Variants in DCDC1 observed in about 807,000 individuals in gnomAD.
The protein encoded by DCDC1 is doublecortin domain containing 1.
Under a neutral mutation model 178.3 loss-of-function variants are expected in DCDC1, and 200 were observed. That is an observed-to-expected ratio of 1.12 (90% CI 1.00 to 1.26). The LOEUF is 1.26. DCDC1 is among the 50% of genes most tolerant of loss of function. The probability of loss-of-function intolerance (pLI) is 0.00; values close to 1 mark genes in which losing one functional copy is unlikely to be tolerated. For synonymous variants in DCDC1, 690 were observed against 604.8 expected, an observed-to-expected ratio of 1.14 and a Z score of -2.07; for missense variants, 1,983 against 1,749.2, an observed-to-expected ratio of 1.13 and a Z score of -2.38.
chr11:30,887,839 A>G (rs1943314002), intron 36 of DCDC1, among the ~76,000 whole-genome samples: 2 of 151,820 alleles, frequency 1.3e-5, no homozygotes, highest in Non-Finnish European at 1.5e-5. Context: ...GTGAAACCTC[A>G]TGTCTACTAT....
intron 20 of DCDC1, among the ~76,000 whole-genome samples, chr11:31,017,949 G>T (rs1207978276): frequency 2.0e-5 from 3 of 152,092 alleles, no homozygotes; most frequent in Non-Finnish European, 4.4e-5. Flanking sequence ...GATCGGATAT[G>T]TTTCATTATT....
intron 20 of DCDC1, among the ~76,000 whole-genome samples, chr11:31,062,305 C>T (rs1261896658): frequency 1.3e-5 from 2 of 152,086 alleles, no homozygotes; most frequent in African/African-American, 4.8e-5. Flanking sequence ...CAGAAACAGC[C>T]TCATAGAGCG....
At chr11:31,133,370 C>T (rs920295860) in intron 10 of DCDC1, among the ~76,000 whole-genome samples, 1 of 152,186 alleles carries the variant, frequency 6.6e-6, no homozygotes, top group Non-Finnish European at 1.5e-5. Flanking sequence ...AAAGCCAGGT[C>T]AGCACTTCAA....
intron 9 of DCDC1, among the ~76,000 whole-genome samples, chr11:31,138,342 C>T (rs1314163096): frequency 6.6e-6 from 1 of 152,146 alleles, no homozygotes; most frequent in East Asian, 1.9e-4. Context: ...CTACTGCTGC[C>T]AACCCATGTG....
chr11:31,102,014 C>G (rs910184009), intron 15 of DCDC1, among the ~76,000 whole-genome samples, 163 bp downstream of exon 15: 2 of 150,984 alleles, frequency 1.3e-5, no homozygotes, highest in African/African-American at 4.9e-5. Flanking sequence ...GAGGTAGAGG[C>G]TGCAGTGAGC....
intron 21 of DCDC1, among the ~76,000 whole-genome samples, chr11:30,938,217 ATCTC>A (rs150806325): frequency 4.6e-4 from 68 of 146,894 alleles, no homozygotes; most frequent in African/African-American, 1.4e-3. Context: ...TTCTTCTTCT[ATCTC>A]TCTCTCTCTC....
intron 9 of DCDC1, among the ~76,000 whole-genome samples, chr11:31,186,965 A>G (rs938548138): frequency 3.3e-5 from 5 of 152,106 alleles, no homozygotes; most frequent in Non-Finnish European, 7.4e-5. Flanking sequence ...TGGTGCCCTC[A>G]GTAAAGCATT....
intron 9 of DCDC1, among the ~76,000 whole-genome samples, chr11:31,213,386 G>C (rs749493617): frequency 1.3e-5 from 2 of 151,750 alleles, no homozygotes; most frequent in Non-Finnish European, 1.5e-5. Flanking sequence ...ATCTAAAGTA[G>C]GAGTATTAAA....
At chr11:31,017,081 G>A (rs1336893760) in intron 20 of DCDC1, among the ~76,000 whole-genome samples, 1 of 152,134 alleles carries the variant, frequency 6.6e-6, no homozygotes. Context: ...AGATACTACT[G>A]TAACAATATG....
chr11:31,030,868 A>T (rs886674616), intron 20 of DCDC1, among the ~76,000 whole-genome samples: 1 of 152,164 alleles, frequency 6.6e-6, no homozygotes, highest in Non-Finnish European at 1.5e-5. Flanking sequence ...AAGAAAAAAA[A>T]AAACCACTAA....
At chr11:30,947,925 C>T (rs1480483868) in intron 21 of DCDC1, among the ~76,000 whole-genome samples, 2 of 152,074 alleles carry the variant, frequency 1.3e-5, no homozygotes, top group Non-Finnish European at 2.9e-5. Flanking sequence ...ATAGACATTT[C>T]CTTAGAAAAC....
At chr11:31,299,539 C>A (rs940027535) in intron 6 of DCDC1, among the ~76,000 whole-genome samples, 1 of 152,244 alleles carries the variant, frequency 6.6e-6, no homozygotes, top group Non-Finnish European at 1.5e-5. Flanking sequence ...TTGACCTACA[C>A]CCTAGATATT....
In DCDC1 at chr11:31,094,039, C is replaced by G. The variant is rs780493876; in HGVS notation, c.2118+11G>C. ...GGAGGTCACTCAGCAAAAGCAGACA[C>G]TCTTAGGTACCTTGGTGATCAGCCA... On this transcript the variant is annotated intron_variant, in intron 16 of 38. Coordinates refer to ENST00000684477, the MANE Select transcript of DCDC1 (RefSeq NM_001387274.1). 1.4e-5 allele frequency: 11 copies of G among 765,648 alleles called. No individual in the cohort carries two copies. The highest frequency in any genetic ancestry group is 8.0e-5 in the South Asian group (6 of 74,540). 47.4% of individuals were successfully genotyped at this position (765,648 alleles called of 1,614,324 possible).
At chr11:31,233,320 C>T (rs2136803971) in intron 9 of DCDC1, among the ~76,000 whole-genome samples, 1 of 152,194 alleles carries the variant, frequency 6.6e-6, no homozygotes, top group African/African-American at 2.4e-5. Context: ...AAGCATATTT[C>T]CTAATAGCTT....
chr11:31,126,263 A>G (rs1245357378), intron 11 of DCDC1, among the ~76,000 whole-genome samples: 1 of 152,218 alleles, frequency 6.6e-6, no homozygotes, highest in African/African-American at 2.4e-5. Context: ...AATAGCAAGT[A>G]CTTTGCAAAA....
At chr11:30,910,736 T>A (rs1331536531) in intron 28 of DCDC1, among the ~76,000 whole-genome samples, 1 of 152,102 alleles carries the variant, frequency 6.6e-6, no homozygotes, top group Non-Finnish European at 1.5e-5. Context: ...AAAAAAAAGA[T>A]CTTCCCAGGT....
intron 36 of DCDC1, among the ~76,000 whole-genome samples, chr11:30,888,098 A>AAGAAAAAGAAAGAAAGAAAG (rs1254212107): frequency 9.5e-6 from 1 of 105,426 alleles, no homozygotes; most frequent in Non-Finnish European, 1.9e-5. Flanking sequence ...GAAAGAAAGA[A>AAGAAAAAGAAAGAAAGAAAG]AAAGAAAGAA....
intron 36 of DCDC1, among the ~76,000 whole-genome samples, chr11:30,888,060 A>AAGAAAGAAAG (rs756638479): frequency 3.1e-4 from 23 of 73,470 alleles, no homozygotes; most frequent in African/African-American, 1.4e-3. Flanking sequence ...GAAAGAAAGA[A>AAGAAAGAAAG]AGAGAGAGAG....
intron 20 of DCDC1, among the ~76,000 whole-genome samples, chr11:31,041,281 C>G (rs972897124): frequency 6.6e-6 from 1 of 152,134 alleles, no homozygotes; most frequent in Non-Finnish European, 1.5e-5. Flanking sequence ...TTATATAGCA[C>G]TAAGTCCAGG....
Sources: allele counts gnomAD v4.1 joint callset (sites outside exome capture counted in the v4.1 genomes callset), GRCh38; gene constraint gnomAD v4.1.1; transcripts MANE v1.5; gene names NCBI Gene and HGNC (gene_info 2026-07-23, HGNC 2026-07-21).